FHIT: variants seen among roughly 807,000 people sequenced by gnomAD.
The protein encoded by FHIT is bis(5'-adenosyl)-triphosphatase.
A neutral mutation model predicts 17.9 loss-of-function variants in FHIT; 19 were observed. That is an observed-to-expected ratio of 1.06 (90% CI 0.74 to 1.56). The LOEUF is 1.56. Ranked by LOEUF, FHIT falls within the 40% of genes most tolerant of loss-of-function variation. The pLI, the probability that FHIT is intolerant of heterozygous loss-of-function variation, is 0.00. For missense variants in FHIT, 248 were observed against 189.2 expected (o/e 1.31, Z -1.82); for synonymous variants, 81 against 69.7 (o/e 1.16, Z -0.81).
intron 4 of FHIT, among the ~76,000 whole-genome samples, chr3:60,604,865 T>C (rs1553670458): frequency 6.6e-6 from 1 of 152,190 alleles, no homozygotes; most frequent in Non-Finnish European, 1.5e-5. Context: ...TTCCATTCTG[T>C]TATCATCATC....
chr3:60,246,541 G>A (rs1025077314), intron 5 of FHIT, among the ~76,000 whole-genome samples: 3 of 152,066 alleles, frequency 2.0e-5, no homozygotes, highest in Non-Finnish European at 4.4e-5. Context: ...GAGGCACAAG[G>A]TGAGTATTAG....
At chr3:59,976,248 C>T (rs1262526329) in intron 7 of FHIT, among the ~76,000 whole-genome samples, 2 of 151,910 alleles carry the variant, frequency 1.3e-5, no homozygotes, top group South Asian at 2.1e-4. Flanking sequence ...TAGATAAAAT[C>T]GAAGTTCTTT....
chr3:60,149,674 T>G (rs899400394), intron 5 of FHIT, among the ~76,000 whole-genome samples: 1 of 152,000 alleles, frequency 6.6e-6, no homozygotes, highest in South Asian at 2.1e-4. Context: ...GGGAATTCAA[T>G]CATCTCCTCC....
chr3:59,874,684 T>TC (rs1409988428), intron 8 of FHIT, among the ~76,000 whole-genome samples: 5 of 151,476 alleles, frequency 3.3e-5, no homozygotes, highest in African/African-American at 1.2e-4. Context: ...TTTCATTTTT[T>TC]TTTTTTGCCA....
chr3:59,858,973 G>A (rs1246490577), intron 8 of FHIT, among the ~76,000 whole-genome samples: 2 of 152,098 alleles, frequency 1.3e-5, no homozygotes. Context: ...TGTGTTGACT[G>A]GGTCTCAAAG....
At chr3:60,310,826 TG>T (rs952991854) in intron 5 of FHIT, among the ~76,000 whole-genome samples, 1 of 152,200 alleles carries the variant, frequency 6.6e-6, no homozygotes, top group Non-Finnish European at 1.5e-5. Context: ...CAACTGTGTA[TG>T]CCCCAGATTC....
At chr3:60,355,400 T>C (rs1191178529) in intron 5 of FHIT, among the ~76,000 whole-genome samples, 1 of 152,010 alleles carries the variant, frequency 6.6e-6, no homozygotes, top group East Asian at 1.9e-4. Flanking sequence ...TCATCTGTTA[T>C]TTAGTTGTCA....
intron 2 of FHIT, among the ~76,000 whole-genome samples, chr3:61,126,730 G>A (rs62268768): frequency 0.1 from 15,717 of 152,234 alleles, 841 homozygotes; most frequent in African/African-American, 0.11. Flanking sequence ...GTTAGCTGGT[G>A]ATAGGTGCTG....
chr3:60,074,863 A>C (rs547661608), intron 5 of FHIT, among the ~76,000 whole-genome samples: 2 of 152,170 alleles, frequency 1.3e-5, no homozygotes, highest in African/African-American at 4.8e-5. Flanking sequence ...ACTGGTGTAC[A>C]TTTGCACTAG....
intron 5 of FHIT, among the ~76,000 whole-genome samples, chr3:60,151,668 C>T (rs1296857532): frequency 6.6e-6 from 1 of 152,150 alleles, no homozygotes; most frequent in African/African-American, 2.4e-5. Flanking sequence ...TCTTGCTGTT[C>T]CTTCAACATT....
rs531956030 is a variant in FHIT, at chr3:60,252,715, G to T, written c.104-238563C>A. 2.0e-5 allele frequency among the ~76,000 whole-genome samples: 3 copies of T among 152,202 alleles called. No homozygotes were observed. In the South Asian group the frequency reaches 6.2e-4, roughly 32 times the overall value. On this transcript the variant is annotated intron_variant, in intron 5 of 9. Transcript: ENST00000492590. ...AGATAATAAAAAAAGACTGGGCTGG[G>T]CGCGGTGGCTCATGCCTGTAATCCC...
rs540546050 is a variant in FHIT, at chr3:60,550,698, G to A, written c.-17-13719C>T. The stretch of plus-strand genomic sequence containing the variant: ...TCCCTGTCTCCTAAAAAGATGTTCA[G>A]GGATTACATATACTTAATAACCTTT... On this transcript the variant is annotated intron_variant, in intron 4 of 9. Coordinates refer to ENST00000492590, the MANE Select transcript of FHIT (RefSeq NM_002012.4). Among the ~76,000 whole-genome samples the A allele has an allele frequency of 6.6e-5, 10 of 151,674 alleles. No homozygotes were observed. The South Asian group carries it at 1.9e-3, about 28-fold the overall frequency.
At chr3:59,902,022 G>A (rs1382043270) in intron 8 of FHIT, among the ~76,000 whole-genome samples, 1 of 152,140 alleles carries the variant, frequency 6.6e-6, no homozygotes, top group Non-Finnish European at 1.5e-5. Flanking sequence ...TACAAAATGG[G>A]AGAGCATATT....
intron 5 of FHIT, among the ~76,000 whole-genome samples, chr3:60,308,016 G>A (rs1708761831): frequency 6.6e-6 from 1 of 152,142 alleles, no homozygotes; most frequent in African/African-American, 2.4e-5. Flanking sequence ...GTCATTTGGA[G>A]GTAAGTACTA....
intron 4 of FHIT, among the ~76,000 whole-genome samples, chr3:60,731,545 C>T (rs1389674913): frequency 1.3e-5 from 2 of 152,126 alleles, no homozygotes; most frequent in African/African-American, 2.4e-5. Context: ...TGCTGGGTGG[C>T]CTGCATGCAC....
chr3:59,936,609 A>C (rs761217241), intron 7 of FHIT, among the ~76,000 whole-genome samples: 10 of 152,154 alleles, frequency 6.6e-5, no homozygotes, highest in Non-Finnish European at 1.2e-4. Flanking sequence ...CATCATTTCC[A>C]TAATCTGTGC....
intron 3 of FHIT, among the ~76,000 whole-genome samples, chr3:60,946,144 C>A (rs782100495): frequency 1.1e-4 from 16 of 152,156 alleles, no homozygotes; most frequent in Non-Finnish European, 2.2e-4. Flanking sequence ...ACGGATTGTA[C>A]ATAAATCCTG....
At chr3:59,954,008 A>C (rs1309989784) in intron 7 of FHIT, among the ~76,000 whole-genome samples, 2 of 152,194 alleles carry the variant, frequency 1.3e-5, no homozygotes, top group East Asian at 1.9e-4. Context: ...GAATTTGTGA[A>C]ACTTGTATTC....
At chr3:59,959,744 C>T (rs1384792951) in intron 7 of FHIT, among the ~76,000 whole-genome samples, 1 of 152,174 alleles carries the variant, frequency 6.6e-6, no homozygotes. Context: ...CAATCAGTGA[C>T]ATTACTGTGC....
Sources: allele counts gnomAD v4.1 joint callset (sites outside exome capture counted in the v4.1 genomes callset), GRCh38; gene constraint gnomAD v4.1.1; transcripts MANE v1.5; gene names NCBI Gene and HGNC (gene_info 2026-07-23, HGNC 2026-07-21).